Variants in PHF8 observed in about 807,000 individuals in gnomAD.
PHF8 encodes histone lysine demethylase PHF8.
Under a neutral mutation model 74.4 loss-of-function variants are expected in PHF8, and 9 were observed. That is an observed-to-expected ratio of 0.12 (90% CI 0.07 to 0.21). PHF8 has a LOEUF of 0.21. PHF8 is among the 10% of genes least tolerant of loss of function. The probability of loss-of-function intolerance (pLI) is 1.00; values close to 1 mark genes in which losing one functional copy is unlikely to be tolerated. For synonymous variants in PHF8, 311 were observed against 316.6 expected (o/e 0.98, Z 0.19); for missense variants, 478 against 816.6 (o/e 0.59, Z 5.05).
At chrX:53,944,382 C>T (rs907432993) in intron 19 of PHF8, 139 bp from the exon 20 acceptor site, 1 of 478,413 alleles carries the variant, frequency 2.1e-6, no homozygotes, top group Admixed American at 3.1e-5. Flanking sequence ...ATTTTGCTTG[C>T]CATCACATAA....
chrX:53,981,103 A>C (rs1352755522), intron 18 of PHF8, among the ~76,000 whole-genome samples: 4 of 112,351 alleles, frequency 3.6e-5, no homozygotes, highest in African/African-American at 6.5e-5. Context: ...AATCCCAGCT[A>C]CTTGGGAGGC....
intron 19 of PHF8, among the ~76,000 whole-genome samples, chrX:53,946,309 A>G (rs2064831698): frequency 8.9e-6 from 1 of 112,736 alleles, no homozygotes; most frequent in Non-Finnish European, 1.9e-5. Flanking sequence ...ATAGTGAGAA[A>G]GCACAACACA....
intron 2 of PHF8, among the ~76,000 whole-genome samples, chrX:54,033,193 A>C (rs781989630): frequency 1.8e-5 from 2 of 111,238 alleles, no homozygotes; most frequent in African/African-American, 6.5e-5. Context: ...AGAAGTCTTA[A>C]ATAAGATCCA....
At chrX:53,944,093 C>T (rs782678633) in intron 20 of PHF8, 41 bp downstream of exon 20, 25 of 842,754 alleles carry the variant, frequency 3.0e-5, no homozygotes, top group Admixed American at 6.7e-5. Context: ...CTAAGTCAAA[C>T]TGCTATTAGT....
At chrX:54,022,928 T>TA in intron 2 of PHF8, 85 bp from the exon 3 acceptor site, 2 of 550,171 alleles carry the variant, frequency 3.6e-6, no homozygotes, top group Non-Finnish European at 6.4e-6. Flanking sequence ...GAACAGCTAT[T>TA]AAGTACATGT....
intron 15 of PHF8, 72 bp from the exon 16 acceptor site, chrX:53,987,235 A>G: frequency 1.5e-6 from 1 of 660,874 alleles, no homozygotes; most frequent in African/African-American, 2.1e-5. Context: ...GAAGAAAAAA[A>G]TAAGACTAAT....
At chrX:54,038,037 G>T (rs1252514152) in intron 2 of PHF8, among the ~76,000 whole-genome samples, 3 of 112,105 alleles carry the variant, frequency 2.7e-5, no homozygotes, top group Non-Finnish European at 5.6e-5. Flanking sequence ...TTATAAACAG[G>T]AAAACTGTAG....
intron 18 of PHF8, among the ~76,000 whole-genome samples, chrX:53,981,372 A>G (rs2065477212): frequency 8.9e-6 from 1 of 112,520 alleles, no homozygotes; most frequent in African/African-American, 3.2e-5. Flanking sequence ...ATAAGAAGAC[A>G]TACAGACAAA....
intron 4 of PHF8, among the ~76,000 whole-genome samples, chrX:54,022,028 A>C (rs897227330): frequency 8.9e-5 from 10 of 111,870 alleles, no homozygotes; most frequent in African/African-American, 3.2e-4. Context: ...GACTCCTTCT[A>C]GTCAGCATTC....
chrX:53,992,712 C>A, intron 14 of PHF8, 24 bp downstream of exon 14: 1 of 937,129 alleles, frequency 1.1e-6, no homozygotes. Flanking sequence ...CCCAGTACCT[C>A]TGTGCTCCTC....
At chrX:53,979,347 AC>A (rs1557097264) in intron 18 of PHF8, among the ~76,000 whole-genome samples, 1 of 111,648 alleles carries the variant, frequency 9.0e-6, no homozygotes, top group African/African-American at 3.3e-5. Flanking sequence ...GCACCACTGC[AC>A]CCCAGCCTGG....
intron 18 of PHF8, among the ~76,000 whole-genome samples, chrX:53,980,940 T>C (rs7883193): frequency 0.13 from 14,694 of 112,343 alleles, 1,008 homozygotes; most frequent in African/African-American, 0.26. Flanking sequence ...TGGCTGGGCC[T>C]GGTGGCTCGC....
intron 14 of PHF8, among the ~76,000 whole-genome samples, chrX:53,989,011 G>A (rs2065615788): frequency 9.3e-6 from 1 of 107,315 alleles, no homozygotes; most frequent in Non-Finnish European, 1.9e-5. Flanking sequence ...GCCCAGGCTG[G>A]AGTACAGTGG....
Position 53,985,967 on chromosome X carries a change from T to G in PHF8, c.1996-18A>C. On this transcript the variant is annotated intron_variant, in intron 16 of 21. Transcript: ENST00000338154. ...TAGTCCTCCTGTTGGAGAGAGAGTGTATCACCTCAGCTGCCCAGGATTGGT... is the reference window on the plus strand; with the variant it reads ...TAGTCCTCCTGTTGGAGAGAGAGTGGATCACCTCAGCTGCCCAGGATTGGT... 8.3e-7 allele frequency: 1 copy of G among 1,207,154 alleles called. No individual in the cohort carries two copies. The highest frequency in any genetic ancestry group is 1.1e-6 in the Non-Finnish European group (1 of 891,743).
chrX:53,963,974 T>C (rs2065141760), intron 18 of PHF8, among the ~76,000 whole-genome samples: 1 of 111,843 alleles, frequency 8.9e-6, no homozygotes, highest in Non-Finnish European at 1.9e-5. Flanking sequence ...AGCAAAGACT[T>C]GGAACCAACC....
At chrX:53,983,640 C>A (rs2065513253) in intron 18 of PHF8, among the ~76,000 whole-genome samples, 1 of 111,834 alleles carries the variant, frequency 8.9e-6, no homozygotes, top group African/African-American at 3.2e-5. Flanking sequence ...TCTATCCCCC[C>A]TAGAAAAATA....
At chrX:53,946,616 G>A (rs1295326235) in intron 19 of PHF8, among the ~76,000 whole-genome samples, 2 of 112,097 alleles carry the variant, frequency 1.8e-5, no homozygotes, top group Non-Finnish European at 3.8e-5. Context: ...AACAAAAAAG[G>A]GGAGAGTGCT....
Position 53,985,137 on chromosome X carries a change from G to A in PHF8, c.2220C>T (p.Thr740=), listed in dbSNP as rs782591046. ...CAGTCCACCAGGCCTGCAGGCTAGA[G>A]GTAGCCGGTGAGGACGATGAGGACT... ...NLQSSSSSPA[T]SSLQAWWTGG... is the part of the protein sequence containing the mutation. Residue 740 remains threonine (T), a synonymous_variant, in exon 18 of 22, where the codon ACC becomes ACT. Transcript: ENST00000338154. The A allele has an allele frequency of 2.5e-6, 3 of 1,207,550 alleles. No homozygotes were observed. Among genetic ancestry groups the A allele is most frequent in the South Asian group, 3.5e-5 (2 of 56,375 alleles).
intron 20 of PHF8, among the ~76,000 whole-genome samples, chrX:53,940,816 A>G (rs2064739752): frequency 8.9e-6 from 1 of 112,548 alleles, no homozygotes; most frequent in African/African-American, 3.2e-5. Flanking sequence ...AATGAGGTAG[A>G]CCTTGGACAC....
Sources: gnomAD v4.1 joint callset for allele counts (sites outside exome capture counted in the v4.1 genomes callset) on GRCh38, gnomAD v4.1.1 for gene constraint, MANE v1.5 for transcripts, NCBI Gene and HGNC (gene_info 2026-07-23, HGNC 2026-07-21) for gene names.